Variants in STXBP6 observed in about 807,000 individuals in gnomAD.
STXBP6 encodes syntaxin binding protein 6, also known as syntaxin-binding protein 6.
In STXBP6, 21 loss-of-function variants were observed where a neutral mutation model predicts 26.9. The observed-to-expected ratio is 0.78, with a 90% confidence interval of 0.55 to 1.12. STXBP6 has a LOEUF of 1.12. Ranked by LOEUF, STXBP6 falls within the 50% of genes most tolerant of loss-of-function variation. The pLI is 0.00. For synonymous variants in STXBP6, 97 were observed against 92.6 expected, an observed-to-expected ratio of 1.05 and a Z score of -0.27; for missense variants, 232 against 257.9, an observed-to-expected ratio of 0.90 and a Z score of 0.69.
Position 24,812,203 on chromosome 14 carries a change from T to A in STXBP6, c.*506A>T, listed in dbSNP as rs547195117. ...TCAATTGTTTTCCACAATGTAGAAT[T>A]TTAATCTTCAAATTAAGTGTAGCTA... is the stretch of plus-strand genomic sequence containing the variant. On this transcript the variant is annotated 3_prime_UTR_variant, in exon 6 of 6. Coordinates refer to ENST00000323944, the MANE Select transcript of STXBP6 (RefSeq NM_001394410.1). 1 of 152,498 alleles carries A rather than the reference T, an allele frequency of 6.6e-6. No homozygotes were observed. The highest frequency in any genetic ancestry group is 2.4e-5 in the African/African-American group (1 of 41,562). The allele number at this position is 152,498 out of a possible 1,614,324, so 9.4% of individuals were successfully genotyped here.
chr14:24,940,227 G>A (rs764677504), intron 2 of STXBP6, among the ~76,000 whole-genome samples: 17 of 152,182 alleles, frequency 1.1e-4, no homozygotes, highest in African/African-American at 2.7e-4. Flanking sequence ...ATAAGGTATC[G>A]TGACAGAATC....
intron 2 of STXBP6, among the ~76,000 whole-genome samples, chr14:24,933,743 C>T (rs918806384): frequency 3.3e-5 from 5 of 151,946 alleles, no homozygotes; most frequent in African/African-American, 1.2e-4. Context: ...AACACACGCT[C>T]CTATAAAAAT....
intron 4 of STXBP6, among the ~76,000 whole-genome samples, chr14:24,831,498 C>T (rs1281900767): frequency 6.6e-6 from 1 of 151,904 alleles, no homozygotes; most frequent in Non-Finnish European, 1.5e-5. Flanking sequence ...TGAGTGCTTG[C>T]CAAGGAGAAA....
intron 2 of STXBP6, among the ~76,000 whole-genome samples, chr14:24,945,140 T>TA (rs2072940484): frequency 2.2e-5 from 1 of 46,400 alleles, no homozygotes; most frequent in African/African-American, 1.2e-4. Context: ...CAATTAGGAA[T>TA]TTTTTTTTTT....
intron 2 of STXBP6, among the ~76,000 whole-genome samples, chr14:24,933,868 A>G (rs2072507687): frequency 6.6e-6 from 1 of 152,230 alleles, no homozygotes; most frequent in Non-Finnish European, 1.5e-5. Context: ...CAGTTAAAAG[A>G]AAACTTACTT....
chr14:24,912,884 A>C (rs2071625343), intron 2 of STXBP6, among the ~76,000 whole-genome samples: 1 of 152,148 alleles, frequency 6.6e-6, no homozygotes, highest in Non-Finnish European at 1.5e-5. Context: ...ATTTTACTAA[A>C]ACACTGGTCT....
chr14:24,934,396 G>C (rs1242359821), intron 2 of STXBP6, among the ~76,000 whole-genome samples: 1 of 152,136 alleles, frequency 6.6e-6, no homozygotes, highest in East Asian at 1.9e-4. Flanking sequence ...AAAGTTATGG[G>C]AGAAAGAAAG....
chr14:24,906,005 A>G (rs2071374154), intron 2 of STXBP6, among the ~76,000 whole-genome samples: 1 of 152,220 alleles, frequency 6.6e-6, no homozygotes, highest in African/African-American at 2.4e-5. Context: ...GACATGCAGG[A>G]ATACACATAG....
At chr14:24,979,417 T>C (rs1011881129) in intron 1 of STXBP6, among the ~76,000 whole-genome samples, 3 of 152,232 alleles carry the variant, frequency 2.0e-5, no homozygotes, top group Non-Finnish European at 4.4e-5. Context: ...GATGTCACCC[T>C]GGAAGACTCT....
At chr14:24,855,405 G>A (rs1321550973) in intron 4 of STXBP6, among the ~76,000 whole-genome samples, 1 of 152,014 alleles carries the variant, frequency 6.6e-6, no homozygotes, top group Non-Finnish European at 1.5e-5. Context: ...TTATGTTGCC[G>A]ATGCTGGCAC....
chr14:25,036,469 G>T (rs2075554610), intron 1 of STXBP6, among the ~76,000 whole-genome samples: 1 of 152,094 alleles, frequency 6.6e-6, no homozygotes, highest in South Asian at 2.1e-4. Flanking sequence ...AAAAATTTCT[G>T]AAAGTCTTTA....
intron 1 of STXBP6, among the ~76,000 whole-genome samples, chr14:25,017,028 A>C (rs182188063): frequency 6.6e-6 from 1 of 152,344 alleles, no homozygotes; most frequent in Non-Finnish European, 1.5e-5. Context: ...CAAATAGTCC[A>C]GTAATGGCAG....
intron 1 of STXBP6, 24 bp from the exon 2 acceptor site, chr14:24,974,874 A>C (rs1197657183): frequency 6.7e-7 from 1 of 1,487,466 alleles, no homozygotes; most frequent in Non-Finnish European, 9.0e-7. Context: ...AAAAGAAAGG[A>C]AAGTTGGAAT....
At chr14:24,855,168 A>G (rs1212091072) in intron 4 of STXBP6, among the ~76,000 whole-genome samples, 1 of 152,082 alleles carries the variant, frequency 6.6e-6, no homozygotes, top group Non-Finnish European at 1.5e-5. Context: ...AGAAGATGTG[A>G]TGTATTTAAC....
At chr14:24,927,146 G>C (rs751201579) in intron 2 of STXBP6, among the ~76,000 whole-genome samples, 1 of 152,174 alleles carries the variant, frequency 6.6e-6, no homozygotes, top group Non-Finnish European at 1.5e-5. Context: ...GTATTGCATG[G>C]AGAATTAGGC....
intron 1 of STXBP6, among the ~76,000 whole-genome samples, chr14:24,979,684 A>C (rs1380878234): frequency 6.6e-6 from 1 of 152,154 alleles, no homozygotes; most frequent in Non-Finnish European, 1.5e-5. Flanking sequence ...ACTGAGACCT[A>C]ACCTAGACCC....
At chr14:24,929,034 G>C (rs145720679) in intron 2 of STXBP6, among the ~76,000 whole-genome samples, 52 of 152,044 alleles carry the variant, frequency 3.4e-4, no homozygotes, top group Non-Finnish European at 6.3e-4. Context: ...AAGAACTAAG[G>C]GTAACACACC....
chr14:24,963,898 A>G (rs991585375), intron 2 of STXBP6, among the ~76,000 whole-genome samples: 2 of 151,220 alleles, frequency 1.3e-5, no homozygotes, highest in African/African-American at 2.4e-5. Context: ...CTGCTCCGTA[A>G]CCTGATGGAT....
chr14:24,818,936 T>A, intron 5 of STXBP6, 101 bp downstream of exon 5: 1 of 1,436,230 alleles, frequency 7.0e-7, no homozygotes. Context: ...AATAGCTTAA[T>A]TTTATATCTC....
Sources: allele counts gnomAD v4.1 joint callset (sites outside exome capture counted in the v4.1 genomes callset), GRCh38; gene constraint gnomAD v4.1.1; transcripts MANE v1.5; gene names NCBI Gene and HGNC (gene_info 2026-07-23, HGNC 2026-07-21).